Variants in CHFR observed in about 807,000 individuals in gnomAD.
CHFR encodes E3 ubiquitin-protein ligase CHFR.
A neutral mutation model predicts 87.6 loss-of-function variants in CHFR; 57 were observed. The observed-to-expected ratio is 0.65, with a 90% CI of 0.53 to 0.81. The LOEUF (loss-of-function observed/expected upper bound fraction) is 0.81, where lower values mean the gene tolerates loss of function less well. Ranked by LOEUF, CHFR falls within the 30% of genes least tolerant of loss-of-function variation. The probability of loss-of-function intolerance (pLI) is 0.00; values close to 1 mark genes in which losing one functional copy is unlikely to be tolerated. For synonymous variants in CHFR, 381 were observed against 359.2 expected, an observed-to-expected ratio of 1.06 and a Z score of -0.69; for missense variants, 797 against 865.8, an observed-to-expected ratio of 0.92 and a Z score of 1.00.
chr12:132,877,467 C>T, intron 3 of CHFR, 88 bp downstream of exon 3: 1 of 771,826 alleles, frequency 1.3e-6, no homozygotes, highest in Non-Finnish European at 2.1e-6. Flanking sequence ...TTCTTCTCCT[C>T]CTCAGCCGTG....
At chr12:132,847,963 G>A (rs747154221) in intron 14 of CHFR, 122 bp downstream of exon 14, 448 of 1,534,926 alleles carry the variant, frequency 2.9e-4, no homozygotes, top group Non-Finnish European at 3.5e-4. Flanking sequence ...CATGGCTCCC[G>A]GCTCCCCAAC....
rs370103218 is a variant in CHFR, at chr12:132,848,079, C to T, written c.1647+6G>A. ...CCCGGCTCCCCAGCCCGCAGCGAGT[C>T]GGTACCTTCAGGATGTCTGACTCGT... On this transcript the variant is annotated splice_donor_region_variant and intron_variant, in intron 14 of 17. Transcript: ENST00000450056. 2.7e-4 allele frequency: 431 copies of T among 1,613,864 alleles called. No homozygotes were observed. The highest frequency in any genetic ancestry group is 3.4e-4 in the Non-Finnish European group (404 of 1,180,008).
At chr12:132,847,253 A>G (rs1035606430) in intron 14 of CHFR, 123 bp from the exon 15 acceptor site, 45 of 1,461,758 alleles carry the variant, frequency 3.1e-5, no homozygotes, top group East Asian at 2.3e-4. Flanking sequence ...TCAGACCCTT[A>G]TAAGTGGCAT....
In CHFR at chr12:132,843,228, T is replaced by C. The variant is rs571755085; in HGVS notation, c.1844-145A>G. On this transcript the variant is annotated intron_variant, in intron 16 of 17. Transcript: ENST00000450056. The stretch of plus-strand genomic sequence containing the variant: ...CTCCATAACTAGTTTCCTCGGACCG[T>C]TCTGAGATTTCAGGAAAGGAAACAC... The C allele has an allele frequency of 1.2e-3, 846 of 728,302 alleles. 13 individuals carry two copies. The South Asian group carries it at 0.013, about 11-fold the overall frequency. The allele number at this position is 728,302 out of a possible 1,614,324, so 45.1% of individuals were successfully genotyped here.
intron 6 of CHFR, among the ~76,000 whole-genome samples, chr12:132,864,404 T>C (rs985950922): frequency 1.3e-5 from 2 of 152,256 alleles, no homozygotes; most frequent in Non-Finnish European, 1.5e-5. Context: ...TCACATTTAG[T>C]AGCTGCTCAA....
intron 2 of CHFR, among the ~76,000 whole-genome samples, chr12:132,886,245 G>A (rs1223472666): frequency 6.6e-6 from 1 of 152,062 alleles, no homozygotes; most frequent in Non-Finnish European, 1.5e-5. Flanking sequence ...GGGAGGCAGA[G>A]GGTGCAGTGA....
intron 11 of CHFR, 27 bp from the exon 12 acceptor site, chr12:132,851,764 G>A: frequency 6.3e-7 from 1 of 1,597,482 alleles, no homozygotes. Context: ...TTCAGCCGGA[G>A]CACGTGGGAC....
At chr12:132,873,463 T>C (rs1951539456) in intron 3 of CHFR, among the ~76,000 whole-genome samples, 1 of 152,248 alleles carries the variant, frequency 6.6e-6, no homozygotes, top group Admixed American at 6.5e-5. Flanking sequence ...GATGCACTTA[T>C]ACACGGGTTT....
In CHFR at chr12:132,861,497, A is replaced by G; in HGVS notation, c.721T>C (p.Leu241=). 6.2e-7 allele frequency: 1 copy of G among 1,614,182 alleles called. No homozygotes were observed. Among genetic ancestry groups the G allele is most frequent in the African/African-American group, 1.3e-5 (1 of 75,046 alleles). ...CTCATTTTCTTCTTCACGGGCTCCA[A>G]ATCCTCCTGATCCTGGGGTTCCAAC... ...SSLEPQDQED[L]EPVKKKMRGD... Residue 241 remains leucine (L), a synonymous_variant, in exon 7 of 18, where the codon TTG becomes CTG. Transcript: ENST00000450056.
At chr12:132,866,419 A>C (rs61625489) in intron 6 of CHFR, 31,166 of 152,122 alleles carry the variant, frequency 0.2, 4,135 homozygotes, top group Non-Finnish European at 0.3. Flanking sequence ...ACCACACCGG[A>C]ATGTTACAAC....
intron 1 of CHFR, 49 bp from the exon 2 acceptor site, chr12:132,887,389 G>C (rs910068880): frequency 8.1e-7 from 1 of 1,227,742 alleles, no homozygotes; most frequent in Non-Finnish European, 1.0e-6. Flanking sequence ...CCCAGAGGCC[G>C]AGACTCGGCG....
intron 11 of CHFR, among the ~76,000 whole-genome samples, chr12:132,852,462 G>C (rs997377598): frequency 2.0e-5 from 3 of 150,152 alleles, no homozygotes; most frequent in Non-Finnish European, 4.4e-5. Context: ...GGCAGCAGAA[G>C]TCTGAGCCCA....
intron 6 of CHFR, among the ~76,000 whole-genome samples, chr12:132,865,183 C>T (rs147435711): frequency 6.6e-6 from 1 of 152,336 alleles, no homozygotes; most frequent in East Asian, 1.9e-4. Flanking sequence ...TCCTCTGGGG[C>T]TGTCCCTGCA....
intron 3 of CHFR, among the ~76,000 whole-genome samples, chr12:132,875,809 A>G (rs1199636565): frequency 1.3e-5 from 2 of 152,200 alleles, no homozygotes; most frequent in South Asian, 2.1e-4. Flanking sequence ...CAAAGAAACT[A>G]TCCTAAGATA....
At chr12:132,887,443 G>T in intron 1 of CHFR, 103 bp from the exon 2 acceptor site, 1 of 839,222 alleles carries the variant, frequency 1.2e-6, no homozygotes, top group Non-Finnish European at 1.5e-6. Context: ...CCGCGCCCAC[G>T]CAGCCCCGCA....
At chr12:132,881,210 G>T (rs1951761359) in intron 2 of CHFR, among the ~76,000 whole-genome samples, 1 of 149,204 alleles carries the variant, frequency 6.7e-6, no homozygotes, top group African/African-American at 2.5e-5. Flanking sequence ...AGTGAGCTGA[G>T]ATCGTGCCAC....
chr12:132,848,439 T>G, intron 13 of CHFR: 3 of 693,536 alleles, frequency 4.3e-6, no homozygotes, highest in Non-Finnish European at 7.5e-6. Context: ...TCTCCCCTAA[T>G]AATTCTGTTA....
At chr12:132,843,341 G>A (rs770087246) in intron 16 of CHFR, among the ~76,000 whole-genome samples, 4 of 152,046 alleles carry the variant, frequency 2.6e-5, no homozygotes, top group African/African-American at 4.8e-5. Context: ...CAGGAGAATC[G>A]CTTGAACCTG....
chr12:132,880,202 A>T (rs1280559368), intron 2 of CHFR, among the ~76,000 whole-genome samples: 1 of 152,234 alleles, frequency 6.6e-6, no homozygotes, highest in East Asian at 1.9e-4. Flanking sequence ...CTGTGTAAGG[A>T]TGGCCAGACA....
Sources: allele counts gnomAD v4.1 joint callset (sites outside exome capture counted in the v4.1 genomes callset), GRCh38; gene constraint gnomAD v4.1.1; transcripts MANE v1.5; gene names NCBI Gene and HGNC (gene_info 2026-07-23, HGNC 2026-07-21).